Variants in CNTNAP2 observed in about 807,000 individuals in gnomAD.
CNTNAP2 encodes the protein contactin-associated protein-like 2.
Under a neutral mutation model 155.2 loss-of-function variants are expected in CNTNAP2, and 98 were observed. The ratio of observed to expected loss-of-function variants is 0.63; its 90% CI spans 0.54 to 0.75. The LOEUF (loss-of-function observed/expected upper bound fraction) is 0.75, where lower values mean the gene tolerates loss of function less well. Ranked by LOEUF, CNTNAP2 falls within the 30% of genes least tolerant of loss-of-function variation. The pLI, the probability that CNTNAP2 is intolerant of heterozygous loss-of-function variation, is 0.00. For synonymous variants in CNTNAP2, 651 were observed against 631.2 expected (o/e 1.03, Z -0.47); for missense variants, 1,727 against 1,688.1 (o/e 1.02, Z -0.40).
intron 8 of CNTNAP2, among the ~76,000 whole-genome samples, chr7:147,210,621 C>T (rs541824935): frequency 2.2e-4 from 33 of 151,802 alleles, no homozygotes; most frequent in African/African-American, 8.0e-4. Context: ...TCTTTCTTTT[C>T]TTCTGCTGGC....
intron 15 of CNTNAP2, among the ~76,000 whole-genome samples, 156 bp from the exon 16 acceptor site, chr7:148,117,962 T>A (rs967189086): frequency 6.6e-6 from 1 of 152,020 alleles, no homozygotes; most frequent in African/African-American, 2.4e-5. Flanking sequence ...GTCAAAAATA[T>A]ATTTGTGAGG....
At chr7:147,585,198 G>A (rs1800593798) in intron 12 of CNTNAP2, among the ~76,000 whole-genome samples, 1 of 152,006 alleles carries the variant, frequency 6.6e-6, no homozygotes, top group Admixed American at 6.6e-5. Flanking sequence ...GACCTGGGTT[G>A]GTTGGCTTAC....
chr7:146,894,044 G>A (rs971081151), intron 3 of CNTNAP2, among the ~76,000 whole-genome samples: 6 of 152,120 alleles, frequency 3.9e-5, no homozygotes, highest in African/African-American at 1.4e-4. Context: ...ACTGTGAAAG[G>A]ACCACTGGTT....
chr7:147,742,378 G>T (rs971915233), intron 13 of CNTNAP2, among the ~76,000 whole-genome samples: 1 of 152,064 alleles, frequency 6.6e-6, no homozygotes, highest in East Asian at 1.9e-4. Flanking sequence ...AAGTACATTT[G>T]CTCTTTGAAT....
At chr7:147,812,706 C>A (rs1190715993) in intron 13 of CNTNAP2, among the ~76,000 whole-genome samples, 1 of 152,120 alleles carries the variant, frequency 6.6e-6, no homozygotes, top group Admixed American at 6.5e-5. Flanking sequence ...GAGTTTCTAG[C>A]ACTAAAGGAT....
chr7:146,574,627 G>C (rs1413023041), intron 1 of CNTNAP2, among the ~76,000 whole-genome samples: 1 of 152,052 alleles, frequency 6.6e-6, no homozygotes, highest in Non-Finnish European at 1.5e-5. Context: ...CTTGAACCTG[G>C]GAGGCGGAGG....
chr7:146,313,155 C>T (rs1364119085), intron 1 of CNTNAP2, among the ~76,000 whole-genome samples: 1 of 152,126 alleles, frequency 6.6e-6, no homozygotes, highest in Non-Finnish European at 1.5e-5. Flanking sequence ...AATAGGTGTA[C>T]TAATATACTT....
chr7:146,711,360 T>A (rs2129175144), intron 1 of CNTNAP2, among the ~76,000 whole-genome samples: 1 of 147,244 alleles, frequency 6.8e-6, no homozygotes, highest in South Asian at 2.1e-4. Flanking sequence ...ATGTATAATA[T>A]ACATATATAT....
chr7:148,059,300 A>G (rs1036490468), intron 15 of CNTNAP2, among the ~76,000 whole-genome samples: 13 of 151,824 alleles, frequency 8.6e-5, no homozygotes, highest in Non-Finnish European at 1.8e-4. Context: ...AAAGAAAACA[A>G]AAACAAAAGG....
At chr7:148,177,476 GC>G (rs969352875) in intron 18 of CNTNAP2, among the ~76,000 whole-genome samples, 2 of 152,200 alleles carry the variant, frequency 1.3e-5, no homozygotes, top group African/African-American at 4.8e-5. Context: ...AGAACACCTT[GC>G]TTTCAGACTT....
chr7:147,947,584 TCGC>T (rs1461909975), intron 14 of CNTNAP2, among the ~76,000 whole-genome samples: 2 of 151,762 alleles, frequency 1.3e-5, no homozygotes, highest in Non-Finnish European at 2.9e-5. Flanking sequence ...TGAGCTATGA[TCGC>T]TCAACTGCAC....
chr7:147,648,109 C>G (rs944764240), intron 13 of CNTNAP2, among the ~76,000 whole-genome samples: 2 of 151,984 alleles, frequency 1.3e-5, no homozygotes, highest in Non-Finnish European at 2.9e-5. Context: ...GATGACAAAG[C>G]AAGAGTAGGG....
intron 13 of CNTNAP2, among the ~76,000 whole-genome samples, chr7:147,739,936 A>G (rs982636005): frequency 6.6e-6 from 1 of 152,164 alleles, no homozygotes; most frequent in Non-Finnish European, 1.5e-5. Flanking sequence ...TGTTGACTCA[A>G]TCTACCACAT....
At chr7:147,730,757 T>A (rs189492263) in intron 13 of CNTNAP2, among the ~76,000 whole-genome samples, 4 of 152,056 alleles carry the variant, frequency 2.6e-5, no homozygotes, top group Non-Finnish European at 4.4e-5. Flanking sequence ...AGAAGGCATG[T>A]CAAAAGCAAA....
intron 8 of CNTNAP2, among the ~76,000 whole-genome samples, chr7:147,194,442 T>C (rs572764259): frequency 6.6e-6 from 1 of 152,312 alleles, no homozygotes; most frequent in Admixed American, 6.5e-5. Flanking sequence ...TTTGGGTATA[T>C]ACAAAGTAAT....
intron 4 of CNTNAP2, among the ~76,000 whole-genome samples, chr7:147,066,012 A>C (rs1799772554): frequency 6.6e-6 from 1 of 152,062 alleles, no homozygotes; most frequent in Non-Finnish European, 1.5e-5. Context: ...GTGGTTTTAT[A>C]AAACAAAACA....
intron 16 of CNTNAP2, among the ~76,000 whole-genome samples, chr7:148,119,035 A>G (rs570975640): frequency 2.0e-5 from 3 of 152,160 alleles, no homozygotes; most frequent in Admixed American, 6.5e-5. Context: ...TCAGGGCCCC[A>G]ATTCAGCTTT....
At chr7:147,851,950 TA>T (rs956346099) in intron 13 of CNTNAP2, among the ~76,000 whole-genome samples, 20 of 152,014 alleles carry the variant, frequency 1.3e-4, no homozygotes, top group African/African-American at 3.9e-4. Flanking sequence ...CTGATTTGTT[TA>T]AAAAAAATCA....
chr7:147,293,664 T>G (rs1411665200), intron 8 of CNTNAP2, among the ~76,000 whole-genome samples: 1 of 152,134 alleles, frequency 6.6e-6, no homozygotes, highest in Non-Finnish European at 1.5e-5. Context: ...AATACGTTCT[T>G]TTTCTTTTTT....
Sources: gnomAD v4.1 joint callset for allele counts (sites outside exome capture counted in the v4.1 genomes callset) on GRCh38, gnomAD v4.1.1 for gene constraint, MANE v1.5 for transcripts, NCBI Gene and HGNC (gene_info 2026-07-23, HGNC 2026-07-21) for gene names.